Variants in NPFFR1 observed in about 807,000 individuals in gnomAD.
The protein encoded by NPFFR1 is neuropeptide FF receptor 1, also known as G-protein coupled receptor 147.
NPFFR1 carries 17 observed loss-of-function variants against 12.7 expected under a neutral mutation model. That is an observed-to-expected ratio of 1.34 (90% CI 0.92 to 2.01). The LOEUF (loss-of-function observed/expected upper bound fraction) is 2.01, where lower values mean the gene tolerates loss of function less well. Among genes scored for constraint, NPFFR1 ranks in the 30% most tolerant of loss-of-function variants. The pLI is 0.00. For synonymous variants in NPFFR1, 296 were observed against 264.5 expected (o/e 1.12, Z -1.16); for missense variants, 604 against 606.5 (o/e 1.00, Z 0.04).
rs150130241 is a variant in NPFFR1 at position 70,271,125 on chromosome 10, A to C, written c.8-4734T>G. ...ACCACAGAATTAAAAGCCTTGAACT[A>C]AAGACACCTCGAGTGGATACACACA... is the stretch of plus-strand genomic sequence containing the variant. On this transcript the variant is annotated intron_variant, in intron 1 of 3. Coordinates refer to ENST00000277942, the MANE Select transcript of NPFFR1 (RefSeq NM_022146.5). Among the ~76,000 whole-genome samples the C allele has an allele frequency of 2.6e-5, 4 of 152,302 alleles. No homozygotes were observed. The East Asian group carries it at 7.7e-4, about 29-fold the overall frequency.
chr10:70,256,539 C>T (rs1297271141), intron 3 of NPFFR1, among the ~76,000 whole-genome samples: 4 of 152,248 alleles, frequency 2.6e-5, no homozygotes, highest in African/African-American at 9.6e-5. Context: ...GTAGAGCCTA[C>T]ATGTCAGGCT....
rs1840561400 is a variant in NPFFR1 at position 70,255,671 on chromosome 10, G to A, written c.579C>T (p.Ala193=). ...AGTAGAGCGGGTAGGAGCGGTTGCG[G>A]GCGTCCACCATGAAGTGGTGCTCCT... ...TREEHHFMVD[A]RNRSYPLYSC... Residue 193 remains alanine, a synonymous_variant, in exon 4 of 4, where the codon GCC becomes GCT. Transcript: ENST00000277942. This position sits in a 1 kb window ranked among gnomAD's most constrained non-coding sequence, Gnocchi z 4.2. 2 of 1,601,748 alleles carry A rather than the reference G, an allele frequency of 1.2e-6. No homozygotes were observed. Among genetic ancestry groups the A allele is most frequent in the African/African-American group, 1.3e-5 (1 of 74,696 alleles).
chr10:70,267,550 G>A (rs1840706825), intron 1 of NPFFR1, among the ~76,000 whole-genome samples: 1 of 152,198 alleles, frequency 6.6e-6, no homozygotes, highest in Non-Finnish European at 1.5e-5. Context: ...CCTGCTCTGT[G>A]TGTCTGTGAA....
chr10:70,255,556 T>C lies in NPFFR1; in HGVS notation c.694A>G (p.Ile232Val), dbSNP rs1840558742. The change falls in exon 4 of 4, where the codon ATC becomes GTC. Residue 232 changes from isoleucine to valine, a missense_variant. Physicochemically the swap from Ile to Val is conservative, Grantham distance 29. Coordinates refer to ENST00000277942, the MANE Select transcript of NPFFR1 (RefSeq NM_022146.5). The surrounding 1 kb of genome is among the most constrained non-coding windows in gnomAD (Gnocchi z 4.2). ...SHIYLAPLALIVVMYARIARK... is the reference protein window; with the variant it reads ...SHIYLAPLALVVVMYARIARK... ...GCGATGCGGGCGTACATGACCACGA[T>C]GAGCGCCAGCGGCGCCAGGTAGATG... 1 of 1,550,548 alleles carries C rather than the reference T, an allele frequency of 6.4e-7. No individual in the cohort carries two copies. Among genetic ancestry groups the C allele is most frequent in the African/African-American group, 1.4e-5 (1 of 73,044 alleles).
intron 3 of NPFFR1, among the ~76,000 whole-genome samples, chr10:70,256,094 G>A (rs1840569810): frequency 6.9e-6 from 1 of 144,566 alleles, no homozygotes; most frequent in Non-Finnish European, 1.5e-5. Flanking sequence ...TTTTTCCTGA[G>A]ACAGGGCCTC....
At chr10:70,256,723 G>A (rs1030417603) in intron 3 of NPFFR1, among the ~76,000 whole-genome samples, 2 of 152,216 alleles carry the variant, frequency 1.3e-5, no homozygotes, top group African/African-American at 4.8e-5. Context: ...CAAGGAAACT[G>A]GGACTCGAGT....
At chr10:70,279,952 T>G (rs1164866052) in intron 1 of NPFFR1, among the ~76,000 whole-genome samples, 2 of 152,244 alleles carry the variant, frequency 1.3e-5, no homozygotes, top group Admixed American at 1.3e-4. Flanking sequence ...TAGTTTTAGA[T>G]TCAATATATA....
At chr10:70,278,717 G>A (rs1334698971) in intron 1 of NPFFR1, among the ~76,000 whole-genome samples, 5 of 152,114 alleles carry the variant, frequency 3.3e-5, no homozygotes, top group Admixed American at 6.5e-5. Flanking sequence ...ATGAACTTTC[G>A]TATTCATCAT....
chr10:70,273,730 T>C (rs1428290816), intron 1 of NPFFR1, among the ~76,000 whole-genome samples: 1 of 152,220 alleles, frequency 6.6e-6, no homozygotes, highest in Non-Finnish European at 1.5e-5. Context: ...TGAGTCTTCA[T>C]AACACAGCTT....
chr10:70,264,383 A>G (rs1049442844), intron 2 of NPFFR1, among the ~76,000 whole-genome samples: 58 of 150,990 alleles, frequency 3.8e-4, no homozygotes, highest in African/African-American at 1.3e-3. Flanking sequence ...AAAAAAAAAA[A>G]AAAAAAAGAA....
intron 1 of NPFFR1, 61 bp downstream of exon 1, chr10:70,283,609 C>T: frequency 4.0e-6 from 6 of 1,482,432 alleles, no homozygotes; most frequent in Non-Finnish European, 5.5e-6. Flanking sequence ...TCTCCCTTCG[C>T]CCCATGCCCC....
Position 70,255,674 on chromosome 10 carries a change from G to C in NPFFR1, c.576C>G (p.Asp192Glu). The C allele has an allele frequency of 1.9e-6, 3 of 1,602,698 alleles. No individual in the cohort carries two copies. Among genetic ancestry groups the C allele is most frequent in the Non-Finnish European group, 8.5e-7 (1 of 1,175,078 alleles). Residue 192 changes from aspartate to glutamate, a missense_variant, in exon 4 of 4, where the codon GAC becomes GAG. Coordinates refer to ENST00000277942, the MANE Select transcript of NPFFR1 (RefSeq NM_022146.5). The surrounding 1 kb of genome is among the most constrained non-coding windows in gnomAD (Gnocchi z 4.2). ...AGAGCGGGTAGGAGCGGTTGCGGGC[G>C]TCCACCATGAAGTGGTGCTCCTCAC... ...VTREEHHFMV[D>E]ARNRSYPLYS... is the part of the protein sequence containing the mutation.
intron 3 of NPFFR1, among the ~76,000 whole-genome samples, chr10:70,259,124 A>T (rs570853692): frequency 2.7e-4 from 41 of 152,092 alleles, no homozygotes; most frequent in African/African-American, 8.0e-4. Flanking sequence ...CTTCTCTACT[A>T]AAAAGACAAA....
intron 1 of NPFFR1, among the ~76,000 whole-genome samples, chr10:70,274,168 G>A (rs1840777347): frequency 6.6e-6 from 1 of 152,182 alleles, no homozygotes; most frequent in African/African-American, 2.4e-5. Flanking sequence ...AGAGGTTGGG[G>A]GCTGGGCACA....
chr10:70,272,905 A>C (rs893448770), intron 1 of NPFFR1, among the ~76,000 whole-genome samples: 1 of 152,260 alleles, frequency 6.6e-6, no homozygotes, highest in African/African-American at 2.4e-5. Flanking sequence ...TAGTATGTAC[A>C]TGCATTATAA....
chr10:70,271,445 C>A (rs1446790570), intron 1 of NPFFR1, among the ~76,000 whole-genome samples: 1 of 152,064 alleles, frequency 6.6e-6, no homozygotes, highest in Non-Finnish European at 1.5e-5. Context: ...CCTGAGAAGT[C>A]AAGGCTGCAG....
In NPFFR1 at chr10:70,283,730, C is replaced by T. The variant is rs1158208472; in HGVS notation, c.-54G>A. On this transcript the variant is annotated 5_prime_UTR_variant, in exon 1 of 4. Coordinates refer to ENST00000277942, the MANE Select transcript of NPFFR1 (RefSeq NM_022146.5). ...CTCCGATGGCGGGAGGCAGCGGGCC[C>T]CTTCGGGCCAGCGGGCAGAGGGACG... The T allele has an allele frequency of 6.5e-7, 1 of 1,531,426 alleles. No homozygotes were observed. The highest frequency in any genetic ancestry group is 1.4e-5 in the African/African-American group (1 of 72,950). The allele number at this position is 1,531,426 out of a possible 1,614,324, so 94.9% of individuals were successfully genotyped here. A position where few individuals can be genotyped will look rare whatever the true frequency, so the allele number is the denominator to read the frequency against.
chr10:70,263,979 G>A (rs1451217522), intron 2 of NPFFR1, among the ~76,000 whole-genome samples: 2 of 152,054 alleles, frequency 1.3e-5, no homozygotes, highest in Admixed American at 6.5e-5. Context: ...ATTGGTGGTG[G>A]CACATGCCTG....
At chr10:70,272,244 G>GAAAGAACGAAAGAAAGA in intron 1 of NPFFR1, among the ~76,000 whole-genome samples, 1 of 64,474 alleles carries the variant, frequency 1.6e-5, no homozygotes, top group South Asian at 4.6e-4. Context: ...AAGAAAGAAA[G>GAAAGAACGAAAGAAAGA]AAGAAAGAAG....
Sources: gnomAD v4.1 joint callset for allele counts (sites outside exome capture counted in the v4.1 genomes callset) on GRCh38, gnomAD v4.1.1 for gene constraint, Gnocchi (gnomAD v3.1) non-coding constraint, MANE v1.5 for transcripts, NCBI Gene and HGNC (gene_info 2026-07-23, HGNC 2026-07-21) for gene names.